The following PTPRS variants were observed in gnomAD, a reference collection of about 807,000 sequenced individuals.
PTPRS encodes the protein receptor-type tyrosine-protein phosphatase S.
A neutral mutation model predicts 215.3 loss-of-function variants in PTPRS; 63 were observed. That is an observed-to-expected ratio of 0.29 (90% confidence interval 0.24 to 0.36). The LOEUF (loss-of-function observed/expected upper bound fraction) is 0.36, where lower values mean the gene tolerates loss of function less well. Among genes scored for constraint, PTPRS ranks in the 10% least tolerant of loss-of-function variants. The pLI, the probability that PTPRS is intolerant of heterozygous loss-of-function variation, is 1.00. For missense variants in PTPRS, 2,258 were observed against 2,825.8 expected (o/e 0.80, Z 4.56); for synonymous variants, 1,404 against 1,191.4 (o/e 1.18, Z -3.68).
Position 5,257,737 on chromosome 19 carries a change from C to A in PTPRS, c.706+280G>T, listed in dbSNP as rs1487579602. Among the ~76,000 whole-genome samples, 1 of 152,188 alleles carries A rather than the reference C, an allele frequency of 6.6e-6. No individual in the cohort carries two copies. Among genetic ancestry groups the A allele is most frequent in the East Asian group, 1.9e-4 (1 of 5,180 alleles). ...ACTGACCCCCTCACCCTGCCCCACG[C>A]CTTCCTACCCCACCATCACTGCCTC... On this transcript the variant is annotated intron_variant, in intron 8 of 37. Transcript: ENST00000262963. The surrounding 1 kb of genome is among the most constrained non-coding windows in gnomAD (Gnocchi z 4.4).
intron 1 of PTPRS, among the ~76,000 whole-genome samples, chr19:5,330,941 A>AC (rs1382379660): frequency 6.6e-6 from 1 of 151,968 alleles, no homozygotes; most frequent in East Asian, 1.9e-4. Flanking sequence ...GCAATTACCC[A>AC]CTTCCAATAA....
Position 5,263,115 on chromosome 19 carries a change from A to G in PTPRS, c.569-143T>C, listed in dbSNP as rs555895909. On this transcript the variant is annotated intron_variant, in intron 5 of 37. Coordinates refer to ENST00000262963, the MANE Select transcript of PTPRS (RefSeq NM_002850.4). ...AATAATAATAACAACATTTCTTATG[A>G]TTCCTAAAGTGGCTTATGTTCACTG... 1.6e-4 allele frequency: 119 copies of G among 749,668 alleles called. 1 individual carries two copies. In the East Asian group the frequency reaches 3.0e-3, roughly 19 times the overall value. The allele number at this position is 749,668 out of a possible 1,614,324, so 46.4% of individuals were successfully genotyped here. A position where few individuals can be genotyped will look rare whatever the true frequency, so the allele number is the denominator to read the frequency against.
intron 7 of PTPRS, among the ~76,000 whole-genome samples, 175 bp downstream of exon 7, chr19:5,260,630 C>G (rs573792735): frequency 6.6e-6 from 1 of 152,336 alleles, no homozygotes; most frequent in African/African-American, 2.4e-5. Flanking sequence ...ATTCAGCCCC[C>G]TGGCCACAGA....
In PTPRS at chr19:5,215,407, G is replaced by A. The variant is rs753024231; in HGVS notation, c.4200C>T (p.Ile1400=). ...SLKLSQEYES[I]DPGQQFTWEH... is the part of the protein sequence containing the mutation. ...CCCATGTGAACTGCTGTCCAGGGTC[G>A]ATGGACTACAGAGGAAGGGGAGAGC... The change falls in exon 28 of 38, where the codon ATC becomes ATT. Residue 1400 remains isoleucine, a synonymous_variant. Coordinates refer to ENST00000262963, the MANE Select transcript of PTPRS (RefSeq NM_002850.4). 17 of 1,613,408 alleles carry A rather than the reference G, an allele frequency of 1.1e-5. No homozygotes were observed. Among genetic ancestry groups the A allele is most frequent in the African/African-American group, 1.3e-5 (1 of 74,876 alleles).
intron 4 of PTPRS, among the ~76,000 whole-genome samples, chr19:5,266,658 C>T (rs1191293986): frequency 6.6e-5 from 10 of 152,126 alleles, no homozygotes; most frequent in African/African-American, 2.2e-4. Flanking sequence ...AGCCACAGCC[C>T]CACCTGCCTT....
Position 5,264,913 on chromosome 19 carries a change from T to A in PTPRS, c.568+95A>T, listed in dbSNP as rs376910268. 1.0e-3 allele frequency: 1,449 copies of A among 1,393,678 alleles called. 28 individuals carry two copies. The South Asian group carries it at 0.017, about 16-fold the overall frequency. The allele number at this position is 1,393,678 out of a possible 1,614,324, so 86.3% of individuals were successfully genotyped here. ...CACGGCCACACACTGTCTCTGTCTG[T>A]CCTCCAGTAGTCCCCAGAACTTGGG... On this transcript the variant is annotated intron_variant, in intron 5 of 37. Coordinates refer to ENST00000262963, the MANE Select transcript of PTPRS (RefSeq NM_002850.4).
intron 9 of PTPRS, among the ~76,000 whole-genome samples, chr19:5,251,981 A>G (rs1184114015): frequency 1.2e-5 from 1 of 85,690 alleles, no homozygotes; most frequent in East Asian, 2.8e-4. Context: ...TTGGGGGGCC[A>G]AGAGGTAAGG....
intron 21 of PTPRS, 42 bp from the exon 22 acceptor site, chr19:5,220,196 A>G (rs1171345490): frequency 6.2e-7 from 1 of 1,608,414 alleles, no homozygotes; most frequent in Non-Finnish European, 8.5e-7. Context: ...CTCAGCTGGG[A>G]GCAACAGAGC....
chr19:5,267,474 T>C (rs1006220519), intron 4 of PTPRS, among the ~76,000 whole-genome samples: 25 of 152,034 alleles, frequency 1.6e-4, no homozygotes, highest in Non-Finnish European at 2.4e-4. Flanking sequence ...CTGGCCAACA[T>C]GGTGAAACCC....
rs187575686 is a variant in PTPRS at position 5,315,761 on chromosome 19, G to A, written c.-95+24903C>T. ...CCCATTTCAGCCTTCTGAGGAGCTC[G>A]GAACACAGGCACACGCCATCACACC... On this transcript the variant is annotated intron_variant, in intron 1 of 37. Coordinates refer to ENST00000262963, the MANE Select transcript of PTPRS (RefSeq NM_002850.4). Among the ~76,000 whole-genome samples, 522 of 149,126 alleles carry A rather than the reference G, an allele frequency of 3.5e-3. 5 individuals are homozygous for A. Among genetic ancestry groups the A allele is most frequent in the Non-Finnish European group, 5.8e-3 (390 of 67,638 alleles).
rs369508635 is a variant in PTPRS, at chr19:5,225,829, T to C, written c.2392A>G (p.Asn798Asp). The C allele has an allele frequency of 6.8e-6, 11 of 1,613,774 alleles. 1 individual carries two copies. Among genetic ancestry groups the C allele is most frequent in the Admixed American group, 3.3e-5 (2 of 59,992 alleles). Residue 798 changes from asparagine to aspartate, a missense_variant, in exon 17 of 38, where the codon AAC (asparagine) becomes GAC (aspartate). Asn to Asp is a conservative substitution (Grantham distance 23, BLOSUM62 1). Coordinates refer to ENST00000262963, the MANE Select transcript of PTPRS (RefSeq NM_002850.4). ...GAGTACGCGGTCTCAGGCTGCAAGT[T>C]TGTGATGACCATCTCCTGCAGGCAC... ...DTAEYEMVIT[N>D]LQPETAYSIT...
At chr19:5,228,362 A>AAAAAAAAAAAAAAAAAAAAAAAG in intron 16 of PTPRS, among the ~76,000 whole-genome samples, 1 of 147,826 alleles carries the variant, frequency 6.8e-6, no homozygotes, top group African/African-American at 2.5e-5. Context: ...AAAAAAAAAA[A>AAAAAAAAAAAAAAAAAAAAAAAG]AGAGACAGGG....
At position 5,287,964 on chromosome 19, in the gene PTPRS, G is replaced by GCACACACACACACACA. The variant is rs3042434; in HGVS notation, c.-94-1746_-94-1731dup. On this transcript the variant is annotated intron_variant, in intron 1 of 37. Coordinates refer to ENST00000262963, the MANE Select transcript of PTPRS (RefSeq NM_002850.4). This position sits in a 1 kb window ranked among gnomAD's most constrained non-coding sequence, Gnocchi z 4.8. Reference sequence around the variant, plus strand: ...TCACACAGTCAGGCAGCAGAGACGGGCACACACACACACACACACACACAC... The same window carrying GCACACACACACACACA: ...TCACACAGTCAGGCAGCAGAGACGGGCACACACACACACACACACACACACACACACACACACACAC... 1.5e-5 allele frequency among the ~76,000 whole-genome samples: 2 copies of GCACACACACACACACA among 133,264 alleles called. No individual in the cohort carries two copies. Among genetic ancestry groups the GCACACACACACACACA allele is most frequent in the Non-Finnish European group, 1.6e-5 (1 of 62,478 alleles). The allele number at this position is 133,264 out of a possible 152,430, so 87.4% of individuals were successfully genotyped here.
At chr19:5,331,869 G>C (rs182738254) in intron 1 of PTPRS, among the ~76,000 whole-genome samples, 3 of 152,124 alleles carry the variant, frequency 2.0e-5, no homozygotes, top group Non-Finnish European at 4.4e-5. Context: ...AACGTTTATC[G>C]AGCGCGGACG....
At chr19:5,225,156 G>GA (rs2042368640) in intron 17 of PTPRS, among the ~76,000 whole-genome samples, 1 of 152,152 alleles carries the variant, frequency 6.6e-6, no homozygotes, top group African/African-American at 2.4e-5. Context: ...AGGGACAATG[G>GA]AGGGGCTAGA....
chr19:5,272,215 T>C (rs1172289862), intron 4 of PTPRS, among the ~76,000 whole-genome samples: 2 of 152,146 alleles, frequency 1.3e-5, no homozygotes, highest in Admixed American at 1.3e-4. Flanking sequence ...GAAATGATGC[T>C]GAACAAAAAT....
rs544800768 is a variant in PTPRS, at chr19:5,314,430, A to G, written c.-95+26234T>C. Among the ~76,000 whole-genome samples, 34 of 152,246 alleles carry G rather than the reference A, an allele frequency of 2.2e-4. 1 individual carries two copies. Among genetic ancestry groups the G allele is most frequent in the Admixed American group, 1.8e-3 (27 of 15,286 alleles). The stretch of plus-strand genomic sequence containing the variant: ...CTTGTTTGAGCCCCTGGATCCAACT[A>G]TGCCTGAAGGTGGTCCATTCTAACA... On this transcript the variant is annotated intron_variant, in intron 1 of 37. Coordinates refer to ENST00000262963, the MANE Select transcript of PTPRS (RefSeq NM_002850.4).
intron 1 of PTPRS, among the ~76,000 whole-genome samples, chr19:5,337,073 C>T (rs1203372734): frequency 6.6e-6 from 1 of 152,176 alleles, no homozygotes; most frequent in African/African-American, 2.4e-5. Context: ...GCGGTCAGCA[C>T]TGCGCCCGCC....
intron 16 of PTPRS, among the ~76,000 whole-genome samples, chr19:5,228,110 TC>T (rs1258615386): frequency 2.6e-5 from 4 of 151,702 alleles, no homozygotes; most frequent in Non-Finnish European, 5.9e-5. Flanking sequence ...GTGGGAACAT[TC>T]CCTCTAGATC....
Sources: allele counts gnomAD v4.1 joint callset (sites outside exome capture counted in the v4.1 genomes callset), GRCh38; gene constraint gnomAD v4.1.1; non-coding constraint Gnocchi (gnomAD v3.1); transcripts MANE v1.5; gene names NCBI Gene and HGNC (gene_info 2026-07-23, HGNC 2026-07-21).